Variants in PLXDC2 observed in about 807,000 individuals in gnomAD.
PLXDC2 encodes plexin domain containing 2.
A neutral mutation model predicts 68.9 loss-of-function variants in PLXDC2; 40 were observed. The observed-to-expected ratio is 0.58, with a 90% CI of 0.45 to 0.76. The LOEUF (loss-of-function observed/expected upper bound fraction) is 0.76. PLXDC2 is among the 30% of genes least tolerant of loss of function. The pLI is 0.00. For missense variants in PLXDC2, 644 were observed against 661.9 expected, an observed-to-expected ratio of 0.97 and a Z score of 0.30; for synonymous variants, 243 against 234.2, an observed-to-expected ratio of 1.04 and a Z score of -0.34.
At chr10:20,239,706 C>T (rs1387675992) in intron 12 of PLXDC2, among the ~76,000 whole-genome samples, 3 of 152,122 alleles carry the variant, frequency 2.0e-5, no homozygotes, top group Non-Finnish European at 2.9e-5. Flanking sequence ...GAAGTTTGTC[C>T]CTGAAGCAAG....
intron 13 of PLXDC2, among the ~76,000 whole-genome samples, chr10:20,259,024 AAAAG>A (rs1372009987): frequency 6.6e-6 from 1 of 150,448 alleles, no homozygotes; most frequent in Non-Finnish European, 1.5e-5. Context: ...AAAAAAAAAG[AAAAG>A]AAAGGAAAGG....
rs150994402 is a variant in PLXDC2, at chr10:20,092,845, A to G, written c.541+24606A>G. 1.8e-3 allele frequency among the ~76,000 whole-genome samples: 271 copies of G among 152,074 alleles called. 1 individual carries two copies. Among genetic ancestry groups the G allele is most frequent in the African/African-American group, 6.0e-3 (249 of 41,516 alleles). On this transcript the variant is annotated intron_variant, in intron 4 of 13. Transcript: ENST00000377252. ...GGAAGCAATGCAACCACGGGGAAAG[A>G]GATCAGAGTGATGTGGCCACAAGTC...
At chr10:19,828,678 T>C (rs774442873) in intron 1 of PLXDC2, among the ~76,000 whole-genome samples, 1 of 152,244 alleles carries the variant, frequency 6.6e-6, no homozygotes, top group Non-Finnish European at 1.5e-5. Context: ...AACAGCTCCA[T>C]GCAGGAAGCC....
chr10:20,124,427 C>T (rs1428146409), intron 4 of PLXDC2, among the ~76,000 whole-genome samples: 6 of 152,098 alleles, frequency 3.9e-5, no homozygotes. Flanking sequence ...GCTGGTAGGT[C>T]TGAGGACCTG....
At chr10:20,000,927 A>T (rs1023780352) in intron 1 of PLXDC2, among the ~76,000 whole-genome samples, 1 of 152,206 alleles carries the variant, frequency 6.6e-6, no homozygotes, top group Admixed American at 6.5e-5. Context: ...TACTTGTGGC[A>T]TGCTTTCCCC....
chr10:20,077,481 T>C (rs1836471866), intron 4 of PLXDC2, among the ~76,000 whole-genome samples: 2 of 152,182 alleles, frequency 1.3e-5, no homozygotes, highest in African/African-American at 4.8e-5. Flanking sequence ...TGTTGGCTAA[T>C]TCTAATGGGG....
chr10:19,989,689 T>G (rs527858601), intron 1 of PLXDC2, among the ~76,000 whole-genome samples: 94 of 152,048 alleles, frequency 6.2e-4, no homozygotes, highest in African/African-American at 2.2e-3. Context: ...TTTTTTATAT[T>G]TTTAAAAAAG....
chr10:19,876,580 C>G (rs1837635095), intron 1 of PLXDC2, among the ~76,000 whole-genome samples: 1 of 101,744 alleles, frequency 9.8e-6, no homozygotes, highest in South Asian at 3.4e-4. Flanking sequence ...CCAGCCTGGA[C>G]AACAGAGTGA....
At chr10:20,032,427 G>A (rs1835514182) in intron 2 of PLXDC2, among the ~76,000 whole-genome samples, 1 of 152,154 alleles carries the variant, frequency 6.6e-6, no homozygotes, top group South Asian at 2.1e-4. Context: ...AGCCTCATTT[G>A]AACAGGGGCA....
intron 12 of PLXDC2, among the ~76,000 whole-genome samples, chr10:20,233,119 A>G (rs1254811604): frequency 6.6e-6 from 1 of 152,160 alleles, no homozygotes; most frequent in Non-Finnish European, 1.5e-5. Flanking sequence ...CTTCCCATGT[A>G]GTTGATGCGA....
chr10:19,835,984 C>T (rs1168245989), intron 1 of PLXDC2, among the ~76,000 whole-genome samples: 2 of 151,902 alleles, frequency 1.3e-5, no homozygotes, highest in African/African-American at 4.8e-5. Flanking sequence ...CCAGCCTGGG[C>T]AACAAAGTGA....
intron 1 of PLXDC2, among the ~76,000 whole-genome samples, chr10:19,983,053 T>C (rs1314282310): frequency 1.3e-5 from 2 of 152,238 alleles, no homozygotes; most frequent in East Asian, 1.9e-4. Context: ...TTAGACTGTT[T>C]TTAATCTAAA....
intron 13 of PLXDC2, among the ~76,000 whole-genome samples, chr10:20,270,854 C>A (rs1023151182): frequency 2.0e-5 from 3 of 150,972 alleles, no homozygotes; most frequent in African/African-American, 7.3e-5. Flanking sequence ...GAATTAAAAA[C>A]ATCAGAAGGC....
chr10:20,118,967 C>T (rs1016406660), intron 4 of PLXDC2, among the ~76,000 whole-genome samples: 6 of 150,168 alleles, frequency 4.0e-5, no homozygotes, highest in East Asian at 2.0e-4. Flanking sequence ...CACTGTATAC[C>T]TTTTCCAGTA....
At chr10:19,889,119 T>C (rs1837901640) in intron 1 of PLXDC2, among the ~76,000 whole-genome samples, 1 of 152,104 alleles carries the variant, frequency 6.6e-6, no homozygotes, top group Non-Finnish European at 1.5e-5. Flanking sequence ...GTTGGAAAGA[T>C]CATCCAGGAC....
At chr10:19,886,452 G>A (rs929659387) in intron 1 of PLXDC2, among the ~76,000 whole-genome samples, 1 of 152,126 alleles carries the variant, frequency 6.6e-6, no homozygotes, top group East Asian at 1.9e-4. Flanking sequence ...TCATCCCTGG[G>A]ATGCAAAGCT....
chr10:20,282,012 G>C lies in PLXDC2; in HGVS notation c.*2193G>C, dbSNP rs560240224. Reference sequence around the variant, plus strand: ...AGTAATGTTATTCTTATACCCTTCAGCGTTCTATTTTGATTCAAAACAATT... The same window carrying C: ...AGTAATGTTATTCTTATACCCTTCACCGTTCTATTTTGATTCAAAACAATT... On this transcript the variant is annotated 3_prime_UTR_variant, in exon 14 of 14. Coordinates refer to ENST00000377252, the MANE Select transcript of PLXDC2 (RefSeq NM_032812.9). 6.6e-6 allele frequency: 1 copy of C among 151,968 alleles called. No individual in the cohort carries two copies. The highest frequency in any genetic ancestry group is 1.5e-5 in the Non-Finnish European group (1 of 67,974). 9.4% of individuals were successfully genotyped at this position (151,968 alleles called of 1,614,324 possible).
At chr10:20,238,106 A>T (rs1294297389) in intron 12 of PLXDC2, among the ~76,000 whole-genome samples, 1 of 151,526 alleles carries the variant, frequency 6.6e-6, no homozygotes, top group Non-Finnish European at 1.5e-5. Flanking sequence ...ACATGGAGAC[A>T]TAGAGTTTTA....
intron 3 of PLXDC2, among the ~76,000 whole-genome samples, chr10:20,050,916 CATAAAG>C (rs1835887930): frequency 6.6e-6 from 1 of 151,892 alleles, no homozygotes; most frequent in Non-Finnish European, 1.5e-5. Flanking sequence ...ATCATTCTAC[CATAAAG>C]ATACACACAT....
Sources: gnomAD v4.1 joint callset for allele counts (sites outside exome capture counted in the v4.1 genomes callset) on GRCh38, gnomAD v4.1.1 for gene constraint, MANE v1.5 for transcripts, NCBI Gene and HGNC (gene_info 2026-07-23, HGNC 2026-07-21) for gene names.